The following PLS3 variants were observed in gnomAD, a reference collection of about 807,000 sequenced individuals.
PLS3 encodes the protein plastin-3.
In PLS3, 11 loss-of-function variants were observed where a neutral mutation model predicts 46.5. The observed-to-expected ratio is 0.24, with a 90% confidence interval of 0.15 to 0.39. The LOEUF (loss-of-function observed/expected upper bound fraction) is 0.39, where lower values mean the gene tolerates loss of function less well. Ranked by LOEUF, PLS3 falls within the 10% of genes least tolerant of loss-of-function variation. The probability of loss-of-function intolerance (pLI) is 1.00; values close to 1 mark genes in which losing one functional copy is unlikely to be tolerated. For synonymous variants in PLS3, 167 were observed against 162.2 expected, an observed-to-expected ratio of 1.03 and a Z score of -0.22; for missense variants, 308 against 461.8, an observed-to-expected ratio of 0.67 and a Z score of 3.05.
chrX:115,625,871 G>GA (rs1232813038), intron 3 of PLS3, among the ~76,000 whole-genome samples: 1 of 111,797 alleles, frequency 8.9e-6, no homozygotes, highest in Admixed American at 9.6e-5. Context: ...GTCTTTGAGA[G>GA]AAAGAAGGCG....
chrX:115,642,131 G>A lies in PLS3; in HGVS notation c.988-1182G>A, dbSNP rs782775822. Among the ~76,000 whole-genome samples, 7 of 104,563 alleles carry A rather than the reference G, an allele frequency of 6.7e-5. No individual in the cohort carries two copies. In the East Asian group the frequency reaches 1.9e-3, roughly 28 times the overall value. 90.8% of individuals were successfully genotyped at this position (104,563 alleles called of 115,157 possible). ...TGGGCTCAAGCAATCCTTCTGCCTCGGCCTCCCAAAGTGCTGGGATTACAG... is the reference window on the plus strand; with the variant it reads ...TGGGCTCAAGCAATCCTTCTGCCTCAGCCTCCCAAAGTGCTGGGATTACAG... On this transcript the variant is annotated intron_variant, in intron 9 of 15. Transcript: ENST00000355899.
intron 11 of PLS3, 77 bp from the exon 12 acceptor site, chrX:115,645,995 T>C (rs1217898071): frequency 2.2e-5 from 12 of 542,420 alleles, no homozygotes; most frequent in Non-Finnish European, 6.6e-6. Context: ...TGTTTGACAA[T>C]GTAGTGTTAC....
chrX:115,622,455 C>T (rs1569528231), intron 3 of PLS3, 46 bp downstream of exon 3: 1 of 844,132 alleles, frequency 1.2e-6, no homozygotes, highest in Admixed American at 2.4e-5. Flanking sequence ...TAGATGTTCC[C>T]TCGTCTAGTG....
intron 1 of PLS3, among the ~76,000 whole-genome samples, chrX:115,587,457 C>T (rs1176808467): frequency 3.6e-5 from 4 of 112,004 alleles, no homozygotes; most frequent in East Asian, 2.8e-4. Context: ...AAAACCAGGC[C>T]GGGCGCGGTG....
chrX:115,592,375 C>T (rs1025318140), intron 1 of PLS3, among the ~76,000 whole-genome samples: 2 of 111,513 alleles, frequency 1.8e-5, no homozygotes, highest in Admixed American at 1.9e-4. Flanking sequence ...TGTGGAATAG[C>T]TCCATTGTTA....
chrX:115,603,530 A>T (rs914714882), intron 1 of PLS3, among the ~76,000 whole-genome samples: 20 of 111,799 alleles, frequency 1.8e-4, no homozygotes, highest in African/African-American at 6.2e-4. Context: ...GATAAGTATT[A>T]AAATTGCTGA....
intron 1 of PLS3, among the ~76,000 whole-genome samples, chrX:115,584,566 T>A (rs1392784038): frequency 1.8e-5 from 2 of 111,719 alleles, no homozygotes. Flanking sequence ...TCTGTGATGA[T>A]CATTTTCAGT....
At chrX:115,583,948 A>ATTTT (rs1347039260) in intron 1 of PLS3, among the ~76,000 whole-genome samples, 1 of 110,695 alleles carries the variant, frequency 9.0e-6, no homozygotes, top group Non-Finnish European at 1.9e-5. Flanking sequence ...CACTCCACTT[A>ATTTT]TTTTCTCTCA....
chrX:115,588,942 A>C (rs782164437), intron 1 of PLS3, among the ~76,000 whole-genome samples: 4 of 111,571 alleles, frequency 3.6e-5, no homozygotes, highest in Non-Finnish European at 7.5e-5. Context: ...ACTTAGTTAC[A>C]CAAATAAAGA....
intron 1 of PLS3, among the ~76,000 whole-genome samples, chrX:115,607,951 G>A (rs2074510849): frequency 8.9e-6 from 1 of 111,908 alleles, no homozygotes; most frequent in Non-Finnish European, 1.9e-5. Flanking sequence ...GAGAGCCCAG[G>A]TCTTCTAATA....
chrX:115,571,255 C>T (rs200054224), intron 1 of PLS3, among the ~76,000 whole-genome samples: 3 of 111,299 alleles, frequency 2.7e-5, no homozygotes, highest in Admixed American at 9.5e-5. Context: ...CAGTGGTTTA[C>T]GCGTGTAATC....
At chrX:115,594,668 T>TCACACA (rs1212047902) in intron 1 of PLS3, among the ~76,000 whole-genome samples, 3 of 98,006 alleles carry the variant, frequency 3.1e-5, no homozygotes, top group African/African-American at 1.2e-4. Context: ...TCTCTCTCTC[T>TCACACA]CACACACACA....
intron 1 of PLS3, among the ~76,000 whole-genome samples, chrX:115,594,512 A>G (rs952582368): frequency 3.6e-5 from 4 of 111,786 alleles, no homozygotes; most frequent in African/African-American, 6.5e-5. Context: ...TGACTTGCCG[A>G]TAGCTTTCTG....
In PLS3 at chrX:115,599,336, CAAAAA is replaced by C. The variant is rs1226830291; in HGVS notation, c.-8-10893_-8-10889del. ...GCAACATAGTGAGATCCTGTCTCTA[CAAAAA>C]AAAAAAAAAAAAAGAAATAAAAATT... On this transcript the variant is annotated intron_variant, in intron 1 of 15. Coordinates refer to ENST00000355899, the MANE Select transcript of PLS3 (RefSeq NM_005032.7). Among the ~76,000 whole-genome samples, 15 of 32,415 alleles carry C rather than the reference CAAAAA, an allele frequency of 4.6e-4. No individual in the cohort carries two copies. In the South Asian group the frequency reaches 0.016, roughly 34 times the overall value. The allele number at this position is 32,415 out of a possible 115,157, so 28.1% of individuals were successfully genotyped here.
intron 1 of PLS3, among the ~76,000 whole-genome samples, chrX:115,592,344 T>A (rs2074351055): frequency 9.0e-6 from 1 of 111,666 alleles, no homozygotes; most frequent in Admixed American, 9.6e-5. Flanking sequence ...CATTGGGTCA[T>A]CCCGTGGACC....
chrX:115,583,797 A>G (rs1248910916), intron 1 of PLS3, among the ~76,000 whole-genome samples: 1 of 112,029 alleles, frequency 8.9e-6, no homozygotes, highest in East Asian at 2.8e-4. Context: ...GAGGTCAAAA[A>G]GTAGTTGTTT....
At chrX:115,615,600 G>C (rs2074591367) in intron 2 of PLS3, among the ~76,000 whole-genome samples, 1 of 108,892 alleles carries the variant, frequency 9.2e-6, no homozygotes, top group South Asian at 4.1e-4. Flanking sequence ...TGAAAAATGG[G>C]CCTGTCTGGT....
At chrX:115,573,652 T>C (rs145157435) in intron 1 of PLS3, among the ~76,000 whole-genome samples, 8 of 112,099 alleles carry the variant, frequency 7.1e-5, no homozygotes, top group Non-Finnish European at 9.4e-5. Context: ...AGCAAGCAAC[T>C]ACAGGTATAG....
chrX:115,643,249 G>A (rs2074916367), intron 9 of PLS3, 64 bp from the exon 10 acceptor site: 1 of 696,638 alleles, frequency 1.4e-6, no homozygotes, highest in African/African-American at 2.1e-5. Context: ...GACTATGACA[G>A]TGGGGAAATT....
Sources: allele counts gnomAD v4.1 joint callset (sites outside exome capture counted in the v4.1 genomes callset), GRCh38; gene constraint gnomAD v4.1.1; transcripts MANE v1.5; gene names NCBI Gene and HGNC (gene_info 2026-07-23, HGNC 2026-07-21).